KIF2A: variants seen among roughly 807,000 people sequenced by gnomAD.
KIF2A encodes kinesin family member 2A.
KIF2A carries 22 observed loss-of-function variants against 100.2 expected under a neutral mutation model. The ratio of observed to expected loss-of-function variants is 0.22; its 90% CI spans 0.16 to 0.31. The LOEUF is 0.31. Among genes scored for constraint, KIF2A ranks in the 10% least tolerant of loss-of-function variants. KIF2A has a pLI of 1.00. For missense variants in KIF2A, 495 were observed against 898.7 expected (o/e 0.55, Z 5.74); for synonymous variants, 268 against 285.9 (o/e 0.94, Z 0.63).
In KIF2A at chr5:62,381,251, G is replaced by A. The variant is rs777345819; in HGVS notation, c.2147G>A (p.Arg716Gln). The A allele has an allele frequency of 7.4e-6, 12 of 1,611,638 alleles. No individual in the cohort carries two copies. The highest frequency in any genetic ancestry group is 2.2e-5 in the East Asian group (1 of 44,784). The change falls in exon 20 of 21, where the codon CGG (arginine) becomes CAG (glutamine). Residue 716 changes from arginine (R) to glutamine (Q), a missense_variant and splice_region_variant. Arg to Gln is a conservative substitution (Grantham distance 43, BLOSUM62 1). This residue lies in a region of KIF2A where 58 missense variants were observed against 94.8 expected (regional missense o/e 0.61). Coordinates refer to ENST00000407818, the MANE Select transcript of KIF2A (RefSeq NM_001098511.3). ...EQKIDILTEL[R>Q]DKVKSFRAAL... ...AAAATAGACATTTTAACTGAACTGC[G>A]GGGTAATTCTTTTTCCATTTTAATG...
At chr5:62,342,020 G>A (rs79887468) in intron 1 of KIF2A, among the ~76,000 whole-genome samples, 1 of 152,136 alleles carries the variant, frequency 6.6e-6, no homozygotes, top group Non-Finnish European at 1.5e-5. Context: ...ACAGTAGTCT[G>A]ATTAAAATGC....
chr5:62,367,699 G>A (rs1350232101), intron 16 of KIF2A, among the ~76,000 whole-genome samples: 1 of 152,134 alleles, frequency 6.6e-6, no homozygotes, highest in Non-Finnish European at 1.5e-5. Context: ...AGTTTATTCT[G>A]TATAGTCATG....
At chr5:62,340,291 G>T (rs1005550996) in intron 1 of KIF2A, among the ~76,000 whole-genome samples, 3 of 152,162 alleles carry the variant, frequency 2.0e-5, no homozygotes, top group African/African-American at 7.2e-5. Flanking sequence ...TTTTAACCTA[G>T]CTGGTGGTAG....
At chr5:62,316,357 T>C (rs574769439) in intron 1 of KIF2A, among the ~76,000 whole-genome samples, 4 of 152,216 alleles carry the variant, frequency 2.6e-5, no homozygotes, top group Non-Finnish European at 5.9e-5. Flanking sequence ...TTTCTTGAAA[T>C]GCAGCTGCTC....
chr5:62,334,610 C>T (rs1402777978), intron 1 of KIF2A, among the ~76,000 whole-genome samples: 1 of 151,956 alleles, frequency 6.6e-6, no homozygotes, highest in Non-Finnish European at 1.5e-5. Context: ...ACCTCTACTC[C>T]TGGGGCCTCC....
At chr5:62,335,880 G>A (rs746863695) in intron 1 of KIF2A, among the ~76,000 whole-genome samples, 2 of 152,028 alleles carry the variant, frequency 1.3e-5, no homozygotes, top group African/African-American at 2.4e-5. Context: ...TGGATTTTAA[G>A]TTTTAAAAAG....
chr5:62,306,433 C>T lies in KIF2A; in HGVS notation c.-40C>T, dbSNP rs961164893. The T allele has an allele frequency of 9.3e-6, 11 of 1,181,354 alleles. No homozygotes were observed. The South Asian group carries it at 9.3e-5, about 10-fold the overall frequency. The allele number at this position is 1,181,354 out of a possible 1,614,324, so 73.2% of individuals were successfully genotyped here. On this transcript the variant is annotated 5_prime_UTR_variant, in exon 1 of 21. Coordinates refer to ENST00000407818, the MANE Select transcript of KIF2A (RefSeq NM_001098511.3). ...CTCCCCGCCTTTTCCGCCCTCCGGT[C>T]CCCCTCCCTCGGCCCGCTGCTGCTG...
chr5:62,314,830 T>A (rs1431255166), intron 1 of KIF2A, among the ~76,000 whole-genome samples: 2 of 147,590 alleles, frequency 1.4e-5, no homozygotes, highest in East Asian at 4.1e-4. Context: ...TGGCACGATC[T>A]TGGCTCGCTG....
At chr5:62,317,730 A>G (rs1379834158) in intron 1 of KIF2A, among the ~76,000 whole-genome samples, 1 of 152,174 alleles carries the variant, frequency 6.6e-6, no homozygotes, top group Non-Finnish European at 1.5e-5. Context: ...CTGTATGGCC[A>G]TCATGTGTCC....
chr5:62,357,153 G>A (rs766699015), intron 7 of KIF2A, among the ~76,000 whole-genome samples: 14 of 150,672 alleles, frequency 9.3e-5, no homozygotes, highest in Non-Finnish European at 1.3e-4. Flanking sequence ...GCATAATCTC[G>A]GCCCGCTGCA....
chr5:62,320,220 T>C (rs1746030554), intron 1 of KIF2A, among the ~76,000 whole-genome samples: 1 of 152,218 alleles, frequency 6.6e-6, no homozygotes, highest in Admixed American at 6.5e-5. Context: ...TGAGTAAATA[T>C]ACCACAATTT....
At chr5:62,364,182 C>T (rs758931494) in intron 14 of KIF2A, among the ~76,000 whole-genome samples, 1 of 150,380 alleles carries the variant, frequency 6.6e-6, no homozygotes, top group African/African-American at 2.4e-5. Flanking sequence ...GTGTCTTGCT[C>T]TTTCGCCCAG....
chr5:62,332,923 G>A (rs1430467128), intron 1 of KIF2A, among the ~76,000 whole-genome samples: 2 of 152,112 alleles, frequency 1.3e-5, no homozygotes, highest in Admixed American at 1.3e-4. Context: ...AGCAAAACAG[G>A]CTAAACAAGT....
rs139747029 is a variant in KIF2A, at chr5:62,378,371, T to G, written c.2013+609T>G. ...GGTGATATTTGAGGGAGTGAAGATA[T>G]CATTTGGACATCTTTATGAAGACTG... On this transcript the variant is annotated intron_variant, in intron 19 of 20. Transcript: ENST00000407818. Among the ~76,000 whole-genome samples the G allele has an allele frequency of 4.8e-3, 738 of 152,294 alleles. 4 individuals are homozygous for G. Among genetic ancestry groups the G allele is most frequent in the African/African-American group, 0.017 (698 of 41,556 alleles).
intron 1 of KIF2A, among the ~76,000 whole-genome samples, chr5:62,336,413 C>T (rs1457193183): frequency 6.6e-6 from 1 of 152,124 alleles, no homozygotes; most frequent in Non-Finnish European, 1.5e-5. Context: ...AGCCACTGTG[C>T]ACTGGGAAAA....
intron 9 of KIF2A, among the ~76,000 whole-genome samples, chr5:62,359,949 G>C (rs1412470994): frequency 6.6e-6 from 1 of 151,566 alleles, no homozygotes; most frequent in African/African-American, 2.4e-5. Flanking sequence ...AAAGACAGCA[G>C]TTATATAAAA....
chr5:62,313,514 G>A (rs1469683361), intron 1 of KIF2A, among the ~76,000 whole-genome samples: 4 of 152,026 alleles, frequency 2.6e-5, no homozygotes, highest in Non-Finnish European at 5.9e-5. Context: ...CAACATGCCC[G>A]GCTAATTTTT....
Position 62,306,428 on chromosome 5 carries a change from C to G in KIF2A, c.-45C>G. On this transcript the variant is annotated 5_prime_UTR_variant, in exon 1 of 21. Transcript: ENST00000407818. ...GCCCCCTCCCCGCCTTTTCCGCCCT[C>G]CGGTCCCCCTCCCTCGGCCCGCTGC... is the stretch of plus-strand genomic sequence containing the variant. 1.5e-5 allele frequency: 21 copies of G among 1,442,136 alleles called. No individual in the cohort carries two copies. The highest frequency in any genetic ancestry group is 1.9e-5 in the Non-Finnish European group (20 of 1,055,548). 89.3% of individuals were successfully genotyped at this position (1,442,136 alleles called of 1,614,324 possible).
chr5:62,359,206 T>C (rs1045226447), intron 9 of KIF2A, among the ~76,000 whole-genome samples: 1 of 152,204 alleles, frequency 6.6e-6, no homozygotes, highest in African/African-American at 2.4e-5. Context: ...TAGATTTTCA[T>C]ACGTAAGTTT....
Sources: allele counts gnomAD v4.1 joint callset (sites outside exome capture counted in the v4.1 genomes callset), GRCh38; gene constraint gnomAD v4.1.1; regional missense constraint gnomAD v4.1.1; transcripts MANE v1.5; gene names NCBI Gene and HGNC (gene_info 2026-07-23, HGNC 2026-07-21).